Variants in CYP2J2 observed in about 807,000 individuals in gnomAD.
The protein encoded by CYP2J2 is cytochrome P450 2J2.
A neutral mutation model predicts 48.8 loss-of-function variants in CYP2J2; 41 were observed. That is an observed-to-expected ratio of 0.84 (90% confidence interval 0.66 to 1.09). CYP2J2 has a LOEUF of 1.09. Among genes scored for constraint, CYP2J2 ranks in the 50% least tolerant of loss-of-function variants. The probability of loss-of-function intolerance (pLI) is 0.00; values close to 1 mark genes in which losing one functional copy is unlikely to be tolerated. For synonymous variants in CYP2J2, 221 were observed against 227.1 expected (o/e 0.97, Z 0.24); for missense variants, 644 against 617.3 (o/e 1.04, Z -0.46).
At chr1:59,907,706 CT>C in intron 6 of CYP2J2, 79 bp downstream of exon 6, 1 of 1,502,836 alleles carries the variant, frequency 6.7e-7, no homozygotes, top group Admixed American at 1.8e-5. Flanking sequence ...ACAATGCTAT[CT>C]TCTGGCCCCG....
At chr1:59,951,533 AC>A in the CYP2J2 span, among the ~76,000 whole-genome samples, 1 of 152,278 alleles carries the variant, frequency 6.6e-6, no homozygotes, top group East Asian at 1.9e-4. Flanking sequence ...CCTGTTAAGA[AC>A]CCTGTAACTA....
intron 7 of CYP2J2, chr1:59,904,373 GA>G (rs1464293985): frequency 6.6e-6 from 1 of 152,496 alleles, no homozygotes; most frequent in Non-Finnish European, 1.5e-5. Flanking sequence ...TACCTGTGGG[GA>G]TATTATGTTA....
chr1:59,919,869 G>T (rs1644498737), intron 1 of CYP2J2, among the ~76,000 whole-genome samples: 1 of 152,042 alleles, frequency 6.6e-6, no homozygotes, highest in Non-Finnish European at 1.5e-5. Flanking sequence ...AATTTAACAG[G>T]CTTTTATGAG....
intron 5 of CYP2J2, 55 bp from the exon 6 acceptor site, chr1:59,907,982 T>C (rs759605633): frequency 4.7e-5 from 74 of 1,568,632 alleles, no homozygotes; most frequent in Non-Finnish European, 6.2e-5. Flanking sequence ...GATTCCTGAT[T>C]GCCGTAACAC....
chr1:59,965,629 G>A, the CYP2J2 span, among the ~76,000 whole-genome samples: 1 of 152,110 alleles, frequency 6.6e-6, no homozygotes, highest in Admixed American at 6.5e-5. Flanking sequence ...TTGGTGCTGT[G>A]GCATTACTAG....
intron 1 of CYP2J2, among the ~76,000 whole-genome samples, chr1:59,921,923 A>T (rs1227677839): frequency 6.6e-6 from 1 of 152,154 alleles, no homozygotes; most frequent in East Asian, 1.9e-4. Context: ...GATGTTAAAG[A>T]ATTACTTCAT....
chr1:59,907,948 T>C (rs1481505236), intron 5 of CYP2J2, 21 bp from the exon 6 acceptor site: 5 of 1,612,964 alleles, frequency 3.1e-6, no homozygotes, highest in Admixed American at 1.7e-5. Flanking sequence ...CAATGTTTGA[T>C]GTTATTTATT....
intron 1 of CYP2J2, among the ~76,000 whole-genome samples, chr1:59,925,615 G>A (rs1557431580): frequency 6.6e-6 from 1 of 152,084 alleles, no homozygotes; most frequent in Non-Finnish European, 1.5e-5. Context: ...AACATTCTGT[G>A]GCTAATTCTG....
At chr1:59,958,017 C>T in the CYP2J2 span, among the ~76,000 whole-genome samples, 1 of 152,296 alleles carries the variant, frequency 6.6e-6, no homozygotes, top group East Asian at 1.9e-4. Flanking sequence ...ACACAGATCT[C>T]TGTGCTCTTG....
chr1:59,951,356 G>A, the CYP2J2 span, among the ~76,000 whole-genome samples: 36,676 of 151,976 alleles, frequency 0.24, 5,888 homozygotes, highest in African/African-American at 0.47. Flanking sequence ...CACTTTCCCT[G>A]TTTTTCTAAG....
At chr1:59,904,005 C>T (rs1034382907) in intron 7 of CYP2J2, among the ~76,000 whole-genome samples, 3 of 152,336 alleles carry the variant, frequency 2.0e-5, no homozygotes, top group African/African-American at 4.8e-5. Flanking sequence ...TTGCTTAATA[C>T]ATGTTCACTC....
At chr1:59,920,574 G>C (rs1239384453) in intron 1 of CYP2J2, among the ~76,000 whole-genome samples, 1 of 152,186 alleles carries the variant, frequency 6.6e-6, no homozygotes, top group African/African-American at 2.4e-5. Context: ...CAGTTGATAA[G>C]GGAGATGGGA....
chr1:59,937,599 T>G, the CYP2J2 span, among the ~76,000 whole-genome samples: 6 of 152,214 alleles, frequency 3.9e-5, no homozygotes, highest in Admixed American at 2.6e-4. Flanking sequence ...TGGATATTGA[T>G]CTCTTTCTCT....
chr1:59,957,501 C>T, the CYP2J2 span, among the ~76,000 whole-genome samples: 10 of 152,070 alleles, frequency 6.6e-5, no homozygotes, highest in Non-Finnish European at 1.0e-4. Flanking sequence ...CACCAGGCAT[C>T]GCAGACCCTG....
chr1:59,949,283 C>T, the CYP2J2 span, among the ~76,000 whole-genome samples: 2 of 152,120 alleles, frequency 1.3e-5, no homozygotes, highest in Non-Finnish European at 2.9e-5. Context: ...CTATGGATTT[C>T]TAGTCATTTT....
At position 59,904,995 on chromosome 1, in the gene CYP2J2, C is replaced by T. The variant is rs142713068; in HGVS notation, c.1067G>A (p.Arg356Gln). 1.8e-4 allele frequency: 294 copies of T among 1,613,832 alleles called. No individual in the cohort carries two copies. Among genetic ancestry groups the T allele is most frequent in the Middle Eastern group, 3.3e-4 (2 of 6,080 alleles). ...AGCATTGGTGTAGGGCATGGACTCC[C>T]GGGCGGCTGTGCTCGGCTGCTGCCC... ...GQGQQPSTAA[R>Q]ESMPYTNAVI... is the part of the protein sequence containing the mutation. The change falls in exon 7 of 9, where the codon CGG becomes CAG. Residue 356 changes from arginine (R) to glutamine (Q), a missense_variant. Physicochemically the swap from Arg to Gln is conservative, Grantham distance 43 (BLOSUM62 1). Coordinates refer to ENST00000371204, the MANE Select transcript of CYP2J2 (RefSeq NM_000775.4).
At position 59,898,665 on chromosome 1, in the gene CYP2J2, G is replaced by C. The variant is rs373031096; in HGVS notation, c.1330+2300C>G. Among the ~76,000 whole-genome samples, 7 of 152,208 alleles carry C rather than the reference G, an allele frequency of 4.6e-5. 1 individual carries two copies. Among genetic ancestry groups the C allele is most frequent in the East Asian group, 1.9e-4 (1 of 5,196 alleles). On this transcript the variant is annotated intron_variant, in intron 8 of 8. Transcript: ENST00000371204. ...TCTAGTCGTACTAGAGAGAACACTAGACTAGAAGTATAAAATCTTGAGTCT... is the reference window on the plus strand; with the variant it reads ...TCTAGTCGTACTAGAGAGAACACTACACTAGAAGTATAAAATCTTGAGTCT...
At chr1:59,936,758 C>A in the CYP2J2 span, among the ~76,000 whole-genome samples, 11 of 152,276 alleles carry the variant, frequency 7.2e-5, no homozygotes, top group Middle Eastern at 3.4e-3. Context: ...CACTGTCCCA[C>A]GACATGGGAT....
the CYP2J2 span, among the ~76,000 whole-genome samples, chr1:59,939,218 C>A: frequency 6.6e-6 from 1 of 152,118 alleles, no homozygotes; most frequent in Admixed American, 6.5e-5. Context: ...TTGTTTGTAT[C>A]CGTTCTTCCT....
Sources: allele counts gnomAD v4.1 joint callset (sites outside exome capture counted in the v4.1 genomes callset), GRCh38; gene constraint gnomAD v4.1.1; transcripts MANE v1.5; gene names NCBI Gene and HGNC (gene_info 2026-07-23, HGNC 2026-07-21).